Variants in DMD observed in about 807,000 individuals in gnomAD.
The protein encoded by DMD is dystrophin.
A neutral mutation model predicts 330.1 loss-of-function variants in DMD; 63 were observed. That is an observed-to-expected ratio of 0.19 (90% CI 0.16 to 0.24). The LOEUF (loss-of-function observed/expected upper bound fraction) is 0.24, where lower values mean the gene tolerates loss of function less well. Ranked by LOEUF, DMD falls within the 10% of genes least tolerant of loss-of-function variation. DMD has a pLI of 1.00. For missense variants in DMD, 3,344 were observed against 2,684.1 expected, an observed-to-expected ratio of 1.25 and a Z score of -5.43; for synonymous variants, 1,223 against 959.8, an observed-to-expected ratio of 1.27 and a Z score of -5.07.
intron 13 of DMD, among the ~76,000 whole-genome samples, chrX:32,586,575 G>A (rs1010396124): frequency 6.4e-5 from 7 of 109,860 alleles, no homozygotes; most frequent in Admixed American, 2.0e-4. Flanking sequence ...GCATGAATGA[G>A]TTAAATTTAC....
intron 54 of DMD, among the ~76,000 whole-genome samples, chrX:31,651,698 T>C (rs1474899291): frequency 1.8e-5 from 2 of 111,328 alleles, no homozygotes; most frequent in African/African-American, 3.3e-5. Context: ...TCTTGACTCT[T>C]TCTCTCACAC....
Position 31,183,987 on chromosome X carries a change from C to T in DMD, c.9808-1083G>A, listed in dbSNP as rs191481820. Among the ~76,000 whole-genome samples, 3 of 109,460 alleles carry T rather than the reference C, an allele frequency of 2.7e-5. No individual in the cohort carries two copies. The Admixed American group carries it at 2.9e-4, about 11-fold the overall frequency. On this transcript the variant is annotated intron_variant, in intron 67 of 78. Transcript: ENST00000357033. ...TGCAGTGGCGTGATCTCGGCTCCTGCAATCTCCGCCTCCTGGGTTCAAGTG... is the reference window on the plus strand; with the variant it reads ...TGCAGTGGCGTGATCTCGGCTCCTGTAATCTCCGCCTCCTGGGTTCAAGTG...
intron 1 of DMD, among the ~76,000 whole-genome samples, chrX:33,161,712 T>A (rs376173392): frequency 9.0e-6 from 1 of 111,060 alleles, no homozygotes; most frequent in South Asian, 3.8e-4. Context: ...AGCCCAAGAG[T>A]AGAGAGAATT....
chrX:31,411,683 G>C (rs5927751), intron 60 of DMD, among the ~76,000 whole-genome samples: 1 of 109,695 alleles, frequency 9.1e-6, no homozygotes, highest in Non-Finnish European at 1.9e-5. Flanking sequence ...ACCCAGGCTG[G>C]AGTGCAGTGG....
rs750551170 is a variant in DMD, at chrX:32,124,319, A to G, written c.6438+92597T>C. Among the ~76,000 whole-genome samples, 8 of 112,454 alleles carry G rather than the reference A, an allele frequency of 7.1e-5. No homozygotes were observed. In the South Asian group the frequency reaches 2.6e-3, roughly 36 times the overall value. On this transcript the variant is annotated intron_variant, in intron 44 of 78. Transcript: ENST00000357033. ...AATCACACAGCTAAGAAATGACGGA[A>G]CCATGATTCGGACCAACGTTGTCCG... is the stretch of plus-strand genomic sequence containing the variant.
At chrX:31,929,870 A>G (rs931275698) in intron 46 of DMD, 125 bp from the exon 47 acceptor site, 3 of 757,407 alleles carry the variant, frequency 4.0e-6, no homozygotes, top group Admixed American at 2.5e-5. Flanking sequence ...GTGGTACCTC[A>G]AATACCAACA....
At position 32,976,809 on chromosome X, in the gene DMD, A is replaced by C. The variant is rs756818072; in HGVS notation, c.93+43330T>G. Among the ~76,000 whole-genome samples, 5 of 111,019 alleles carry C rather than the reference A, an allele frequency of 4.5e-5. No individual in the cohort carries two copies. The East Asian group carries it at 1.1e-3, about 25-fold the overall frequency. On this transcript the variant is annotated intron_variant, in intron 2 of 78. Transcript: ENST00000357033. ...ATATATCCATTATTTTTAATTCATT[A>C]TTGTCCTTTGATTTATTTTTTACAA...
chrX:31,889,643 T>TCACA (rs1342429020), intron 47 of DMD, among the ~76,000 whole-genome samples: 5 of 68,646 alleles, frequency 7.3e-5, no homozygotes, highest in African/African-American at 3.2e-4. Flanking sequence ...TCTCTCTCTC[T>TCACA]CTCTCACACA....
chrX:31,719,605 A>C, intron 52 of DMD, among the ~76,000 whole-genome samples: 1 of 111,983 alleles, frequency 8.9e-6, no homozygotes. Flanking sequence ...TTTCCTGTAC[A>C]CATGTAGGAT....
intron 17 of DMD, among the ~76,000 whole-genome samples, chrX:32,531,567 G>T (rs1047284322): frequency 6.3e-5 from 7 of 111,356 alleles, no homozygotes; most frequent in African/African-American, 2.3e-4. Flanking sequence ...AATCGCTCAA[G>T]AAACCTTGTA....
intron 9 of DMD, among the ~76,000 whole-genome samples, chrX:32,667,619 C>G (rs773542719): frequency 9.0e-6 from 1 of 111,514 alleles, no homozygotes; most frequent in East Asian, 2.8e-4. Flanking sequence ...TTTACTGTTA[C>G]TGAAAGCATA....
chrX:31,652,701 G>C (rs897367696), intron 54 of DMD, among the ~76,000 whole-genome samples: 2 of 111,440 alleles, frequency 1.8e-5, no homozygotes, highest in African/African-American at 6.5e-5. Flanking sequence ...TAGTCAAGAA[G>C]ATGGACGAAT....
At chrX:33,018,903 GA>G (rs1468928777) in intron 2 of DMD, among the ~76,000 whole-genome samples, 1 of 83,627 alleles carries the variant, frequency 1.2e-5, no homozygotes, top group Non-Finnish European at 2.6e-5. Flanking sequence ...AAAAAAAGTT[GA>G]GGATTTAAAA....
intron 44 of DMD, among the ~76,000 whole-genome samples, chrX:32,097,843 G>T (rs1230931158): frequency 9.0e-6 from 1 of 111,476 alleles, no homozygotes; most frequent in African/African-American, 3.3e-5. Context: ...CTGAAGCTAG[G>T]GCTTGAACAT....
intron 1 of DMD, among the ~76,000 whole-genome samples, chrX:33,135,983 T>C (rs2095524333): frequency 9.0e-6 from 1 of 111,457 alleles, no homozygotes; most frequent in South Asian, 3.7e-4. Context: ...TGTTTTTCTG[T>C]ATTCTACTTT....
At chrX:32,538,265 C>T (rs183408761) in intron 17 of DMD, among the ~76,000 whole-genome samples, 3 of 111,790 alleles carry the variant, frequency 2.7e-5, no homozygotes, top group Non-Finnish European at 3.8e-5. Context: ...TGAAAATGCC[C>T]GGTTGCTGCC....
At chrX:32,670,849 A>C (rs745559904) in intron 9 of DMD, among the ~76,000 whole-genome samples, 3 of 111,918 alleles carry the variant, frequency 2.7e-5, no homozygotes, top group Non-Finnish European at 5.7e-5. Flanking sequence ...GCAGTAGTGA[A>C]CACTGTACTA....
At chrX:31,265,946 T>A (rs2051019717) in intron 62 of DMD, among the ~76,000 whole-genome samples, 1 of 108,761 alleles carries the variant, frequency 9.2e-6, no homozygotes, top group South Asian at 4.0e-4. Context: ...AAACAGTTTA[T>A]AATTAATATT....
At chrX:32,689,314 A>G (rs2063106672) in intron 9 of DMD, among the ~76,000 whole-genome samples, 1 of 111,020 alleles carries the variant, frequency 9.0e-6, no homozygotes. Flanking sequence ...ACTGTAATCT[A>G]AAAACATGGT....
Sources: gnomAD v4.1 joint callset for allele counts (sites outside exome capture counted in the v4.1 genomes callset) on GRCh38, gnomAD v4.1.1 for gene constraint, MANE v1.5 for transcripts, NCBI Gene and HGNC (gene_info 2026-07-23, HGNC 2026-07-21) for gene names.